Variants in MFSD8 observed in about 807,000 individuals in gnomAD.
MFSD8 encodes the protein major facilitator superfamily domain-containing protein 8.
Under a neutral mutation model 66.4 loss-of-function variants are expected in MFSD8, and 55 were observed. The observed-to-expected ratio is 0.83, with a 90% CI of 0.67 to 1.04. The LOEUF is 1.04. MFSD8 is among the 50% of genes least tolerant of loss of function. The pLI is 0.00. For missense variants in MFSD8, 550 were observed against 627.6 expected (o/e 0.88, Z 1.32); for synonymous variants, 202 against 212.8 (o/e 0.95, Z 0.44).
intron 1 of MFSD8, among the ~76,000 whole-genome samples, chr4:127,962,507 G>C (rs1743962688): frequency 1.3e-5 from 2 of 150,938 alleles, no homozygotes; most frequent in African/African-American, 4.9e-5. Context: ...TGGTATAGAA[G>C]CAACAGTCCC....
intron 1 of MFSD8, among the ~76,000 whole-genome samples, chr4:127,962,454 C>T (rs1039799280): frequency 6.6e-6 from 1 of 152,040 alleles, no homozygotes. Flanking sequence ...GCCCACAGAG[C>T]AAGACCCCGT....
intron 4 of MFSD8, among the ~76,000 whole-genome samples, chr4:127,942,946 T>C (rs943085792): frequency 1.2e-4 from 19 of 152,222 alleles, no homozygotes; most frequent in Middle Eastern, 3.4e-3. Context: ...AGGTTGGGAA[T>C]GGTGGCTCAT....
At chr4:127,965,259 G>A (rs913980153), upstream of MFSD8, 106 of 1,227,974 alleles carry the variant, frequency 8.6e-5, no homozygotes, top group Non-Finnish European at 4.7e-5. Flanking sequence ...GTCAGACGTA[G>A]GCGGAACGCC....
At chr4:127,924,029 T>C (rs866858411) in intron 9 of MFSD8, among the ~76,000 whole-genome samples, 1 of 152,144 alleles carries the variant, frequency 6.6e-6, no homozygotes, top group Non-Finnish European at 1.5e-5. Flanking sequence ...CCTCTTCTTC[T>C]ACGGTTTGGC....
At chr4:127,950,593 G>A (rs1326201682) in intron 2 of MFSD8, among the ~76,000 whole-genome samples, 1 of 152,062 alleles carries the variant, frequency 6.6e-6, no homozygotes, top group African/African-American at 2.4e-5. Flanking sequence ...AGGAAGCTGA[G>A]GTAGAAGAAT....
chr4:127,921,262 GC>G, intron 11 of MFSD8: 1 of 618,372 alleles, frequency 1.6e-6, no homozygotes, highest in Non-Finnish European at 2.8e-6. Flanking sequence ...GAGGTTTGAA[GC>G]CATATTTGGC....
intron 1 of MFSD8, among the ~76,000 whole-genome samples, chr4:127,961,376 A>G (rs756069078): frequency 3.3e-5 from 5 of 152,220 alleles, no homozygotes; most frequent in African/African-American, 4.8e-5. Flanking sequence ...ATGAGCATCA[A>G]TCACTTTGAT....
intron 9 of MFSD8, among the ~76,000 whole-genome samples, chr4:127,924,256 C>T (rs1040161270): frequency 6.6e-6 from 1 of 152,090 alleles, no homozygotes; most frequent in African/African-American, 2.4e-5. Flanking sequence ...TCCGTGTCTT[C>T]TAGATTTTCT....
At position 127,939,682 on chromosome 4, in the gene MFSD8, C is replaced by G. The variant is rs1002700084; in HGVS notation, c.698+171G>C. 309 of 290,386 alleles carry G rather than the reference C, an allele frequency of 1.1e-3. 1 individual carries two copies. Among genetic ancestry groups the G allele is most frequent in the Non-Finnish European group, 6.9e-4 (111 of 161,646 alleles). The allele number at this position is 290,386 out of a possible 1,614,324, so 18.0% of individuals were successfully genotyped here. Reference sequence around the variant, plus strand: ...TTTCTGTTCTCATTTATCAGGTTGTCTTTTGGTTGCCAGTATTACATGCTT... The same window carrying G: ...TTTCTGTTCTCATTTATCAGGTTGTGTTTTGGTTGCCAGTATTACATGCTT... On this transcript the variant is annotated intron_variant, in intron 6 of 11. Coordinates refer to ENST00000641686, the MANE Select transcript of MFSD8 (RefSeq NM_001371596.2).
intron 7 of MFSD8, among the ~76,000 whole-genome samples, chr4:127,935,635 TAAAAG>T (rs1738941577): frequency 6.6e-6 from 1 of 152,160 alleles, no homozygotes; most frequent in Admixed American, 6.5e-5. Context: ...AGAAATCTCA[TAAAAG>T]AAAACACTAC....
Position 127,949,867 on chromosome 4 carries a change from G to C in MFSD8, c.155-20C>G. ...AAAACCCTGTGAAGAAGCAAACTAG[G>C]TTATTTATACTTATAATAATTTAAT... On this transcript the variant is annotated intron_variant, in intron 2 of 11. Coordinates refer to ENST00000641686, the MANE Select transcript of MFSD8 (RefSeq NM_001371596.2). 1 of 1,594,694 alleles carries C rather than the reference G, an allele frequency of 6.3e-7. No homozygotes were observed. Among genetic ancestry groups the C allele is most frequent in the Non-Finnish European group, 8.6e-7 (1 of 1,165,824 alleles).
intron 3 of MFSD8, among the ~76,000 whole-genome samples, chr4:127,948,177 AGGTCT>A (rs1741387511): frequency 3.9e-5 from 6 of 152,082 alleles, no homozygotes; most frequent in African/African-American, 1.4e-4. Flanking sequence ...AGGGCAGGAG[AGGTCT>A]CCCCTGCCCC....
At chr4:127,925,214 A>G (rs1462663267) in intron 9 of MFSD8, among the ~76,000 whole-genome samples, 1 of 152,200 alleles carries the variant, frequency 6.6e-6, no homozygotes, top group Non-Finnish European at 1.5e-5. Context: ...ACCAAAAGCA[A>G]TGGCAACAAA....
intron 9 of MFSD8, among the ~76,000 whole-genome samples, chr4:127,926,076 G>T (rs1296010828): frequency 6.6e-6 from 1 of 151,732 alleles, no homozygotes; most frequent in South Asian, 2.1e-4. Context: ...CACACACAGG[G>T]GCCTATTGCG....
At chr4:127,934,595 G>C (rs1330445985) in intron 7 of MFSD8, 4 of 132,104 alleles carry the variant, frequency 3.0e-5, no homozygotes, top group South Asian at 4.5e-4. Flanking sequence ...TTTTTTTGGC[G>C]GGGGGGACGG....
Position 127,938,822 on chromosome 4 carries a change from C to A in MFSD8, c.715G>T (p.Asp239Tyr). 2 of 1,608,978 alleles carry A rather than the reference C, an allele frequency of 1.2e-6. No individual in the cohort carries two copies. Among genetic ancestry groups the A allele is most frequent in the South Asian group, 2.2e-5 (2 of 90,596 alleles). The change falls in exon 7 of 12, where the codon GAC (aspartate) becomes TAC (tyrosine). Residue 239 changes from aspartate (D) to tyrosine (Y), a missense_variant. By Grantham distance (160) the Asp-to-Tyr change is radical. Coordinates refer to ENST00000641686, the MANE Select transcript of MFSD8 (RefSeq NM_001371596.2). The part of the protein sequence containing the change: ...LAILREHRVD[D>Y]SGRQCKSINF... ...ATACTTTTACACTGTCTTCCTGAGTCATCCACACGATGTTCTCTTAAAAAG... is the reference window on the plus strand; with the variant it reads ...ATACTTTTACACTGTCTTCCTGAGTAATCCACACGATGTTCTCTTAAAAAG...
At chr4:127,956,614 T>A (rs1320571415) in intron 2 of MFSD8, among the ~76,000 whole-genome samples, 1 of 151,242 alleles carries the variant, frequency 6.6e-6, no homozygotes, top group Non-Finnish European at 1.5e-5. Flanking sequence ...AGGTTGGGAG[T>A]TCGAGACCAG....
intron 2 of MFSD8, among the ~76,000 whole-genome samples, chr4:127,956,562 T>C (rs1281715356): frequency 6.6e-6 from 1 of 150,874 alleles, no homozygotes; most frequent in Non-Finnish European, 1.5e-5. Context: ...CTCACGCCTG[T>C]AATCGCAGCA....
At chr4:127,953,133 C>T (rs546195618) in intron 2 of MFSD8, among the ~76,000 whole-genome samples, 64 of 152,198 alleles carry the variant, frequency 4.2e-4, no homozygotes, top group South Asian at 3.3e-3. Context: ...TCTCCATGTT[C>T]GATCCCAGAG....
Sources: allele counts gnomAD v4.1 joint callset (sites outside exome capture counted in the v4.1 genomes callset), GRCh38; gene constraint gnomAD v4.1.1; transcripts MANE v1.5; gene names NCBI Gene and HGNC (gene_info 2026-07-23, HGNC 2026-07-21).